The following PIP4P2 variants were observed in gnomAD, a reference collection of about 807,000 sequenced individuals.
The protein encoded by PIP4P2 is phosphatidylinositol-4,5-bisphosphate 4-phosphatase 2.
PIP4P2 carries 19 observed loss-of-function variants against 33.3 expected under a neutral mutation model. The observed-to-expected ratio is 0.57, with a 90% CI of 0.40 to 0.84. PIP4P2 has a LOEUF of 0.84. Among genes scored for constraint, PIP4P2 ranks in the 40% least tolerant of loss-of-function variants. The pLI is 0.00. For synonymous variants in PIP4P2, 110 were observed against 111.9 expected, an observed-to-expected ratio of 0.98 and a Z score of 0.11; for missense variants, 270 against 324.7, an observed-to-expected ratio of 0.83 and a Z score of 1.29.
chr8:91,019,249 T>G (rs2130368096), intron 3 of PIP4P2, among the ~76,000 whole-genome samples: 1 of 151,022 alleles, frequency 6.6e-6, no homozygotes, highest in African/African-American at 2.4e-5. Flanking sequence ...AGATTAATTA[T>G]ATCAAAAGTA....
intron 5 of PIP4P2, among the ~76,000 whole-genome samples, chr8:91,004,299 G>T (rs1811740381): frequency 6.6e-6 from 1 of 151,994 alleles, no homozygotes; most frequent in African/African-American, 2.4e-5. Flanking sequence ...CCAGAAGAGT[G>T]AAAATTGCCT....
At chr8:91,032,725 G>A (rs1262750920) in intron 1 of PIP4P2, among the ~76,000 whole-genome samples, 5 of 149,326 alleles carry the variant, frequency 3.3e-5, no homozygotes, top group Admixed American at 2.7e-4. Flanking sequence ...GGGTTGCAGT[G>A]AGCCGAGATC....
chr8:91,014,034 C>A (rs958089328), intron 4 of PIP4P2, among the ~76,000 whole-genome samples: 2 of 151,982 alleles, frequency 1.3e-5, no homozygotes, highest in African/African-American at 4.8e-5. Flanking sequence ...TTTTCCAAAC[C>A]TGACTAAAAT....
rs143898603 is a variant in PIP4P2, at chr8:91,001,798, A to G, written c.540-5054T>C. 9.0e-3 allele frequency among the ~76,000 whole-genome samples: 1,369 copies of G among 152,034 alleles called. 6 individuals are homozygous for G. Among genetic ancestry groups the G allele is most frequent in the Non-Finnish European group, 0.015 (1,035 of 67,938 alleles). ...GACTAGTAACTTTTGTTGAAAACTTATTTTGGCAGATCTCAATATAAAAAA... is the reference window on the plus strand; with the variant it reads ...GACTAGTAACTTTTGTTGAAAACTTGTTTTGGCAGATCTCAATATAAAAAA... On this transcript the variant is annotated intron_variant, in intron 5 of 6. Coordinates refer to ENST00000285419, the MANE Select transcript of PIP4P2 (RefSeq NM_018710.3).
intron 1 of PIP4P2, 83 bp downstream of exon 1, chr8:91,040,561 A>G: frequency 2.0e-6 from 3 of 1,499,666 alleles, no homozygotes; most frequent in Admixed American, 3.5e-5. Context: ...CCTCCAAGCT[A>G]GAGCTCCCAG....
At chr8:91,025,051 G>A (rs1263230127) in intron 1 of PIP4P2, among the ~76,000 whole-genome samples, 2 of 151,974 alleles carry the variant, frequency 1.3e-5, no homozygotes, top group East Asian at 3.8e-4. Flanking sequence ...AATAAATAAT[G>A]ACTTAATACA....
At chr8:91,011,483 T>C (rs1052749280) in intron 4 of PIP4P2, among the ~76,000 whole-genome samples, 1 of 152,046 alleles carries the variant, frequency 6.6e-6, no homozygotes, top group African/African-American at 2.4e-5. Context: ...GGCTAGATGA[T>C]CTCAAAATGG....
At chr8:91,012,877 T>C (rs975824719) in intron 4 of PIP4P2, among the ~76,000 whole-genome samples, 4 of 152,164 alleles carry the variant, frequency 2.6e-5, no homozygotes, top group Non-Finnish European at 4.4e-5. Flanking sequence ...CACATACATA[T>C]CTACCTAAAC....
chr8:91,021,574 G>A (rs889286740), intron 1 of PIP4P2, among the ~76,000 whole-genome samples, 170 bp from the exon 2 acceptor site: 1 of 152,122 alleles, frequency 6.6e-6, no homozygotes, highest in Non-Finnish European at 1.5e-5. Flanking sequence ...ACATCCATGA[G>A]ACTCTTATCA....
rs1245007994 is a variant in PIP4P2 at position 91,014,671 on chromosome 8, G to A, written c.486+3719C>T. ...GCTGAATAATTTCTGAAGATCTAAT[G>A]TACAGTATAGTGACTATAGTTACCA... On this transcript the variant is annotated intron_variant, in intron 4 of 6. Coordinates refer to ENST00000285419, the MANE Select transcript of PIP4P2 (RefSeq NM_018710.3). 3.3e-5 allele frequency among the ~76,000 whole-genome samples: 5 copies of A among 150,800 alleles called. No homozygotes were observed. The East Asian group carries it at 9.8e-4, about 30-fold the overall frequency.
chr8:91,029,370 A>G (rs1812128037), intron 1 of PIP4P2, among the ~76,000 whole-genome samples: 1 of 152,126 alleles, frequency 6.6e-6, no homozygotes, highest in Non-Finnish European at 1.5e-5. Flanking sequence ...TGTAGCAAGC[A>G]GGGGTTACAG....
chr8:90,998,659 G>A (rs2130347831), intron 5 of PIP4P2, among the ~76,000 whole-genome samples: 1 of 152,028 alleles, frequency 6.6e-6, no homozygotes, highest in South Asian at 2.1e-4. Flanking sequence ...AACAAGCAAT[G>A]GGGAAAGGAT....
At chr8:91,014,338 C>T (rs953601363) in intron 4 of PIP4P2, among the ~76,000 whole-genome samples, 3 of 152,110 alleles carry the variant, frequency 2.0e-5, no homozygotes, top group African/African-American at 7.2e-5. Context: ...GATATGGAAA[C>T]AACCCAAATC....
At position 90,995,111 on chromosome 8, in the gene PIP4P2, A is replaced by C. The variant is rs1422340402; in HGVS notation, c.*566T>G. ...TACAAACAACAAAAAACAAGCAAAC[A>C]GTATCTAGAAATTTTTTTTCCTCTG... On this transcript the variant is annotated 3_prime_UTR_variant, in exon 7 of 7. Transcript: ENST00000285419. The C allele has an allele frequency of 6.6e-6, 1 of 152,532 alleles. No homozygotes were observed. The highest frequency in any genetic ancestry group is 1.5e-5 in the Non-Finnish European group (1 of 67,968). 9.4% of individuals were successfully genotyped at this position (152,532 alleles called of 1,614,324 possible).
intron 3 of PIP4P2, among the ~76,000 whole-genome samples, chr8:91,019,198 A>T (rs1029877460): frequency 1.3e-5 from 2 of 152,016 alleles, no homozygotes; most frequent in Admixed American, 6.6e-5. Flanking sequence ...AGTATAATAT[A>T]CAGTGAGATA....
Position 91,018,412 on chromosome 8 carries a change from C to A in PIP4P2, c.464G>T (p.Gly155Val), listed in dbSNP as rs1185572119. ...IQPEGTRVVC[G>V]HCGNTFLWME... ...TACCAGGAATGTGTTTCCACAGTGC[C>A]CACACACGACCCTTGTACCTTCTGG... Residue 155 changes from glycine to valine, a missense_variant, in exon 4 of 7, where the codon GGG becomes GTG. Gly to Val is a moderately radical substitution (Grantham distance 109). Transcript: ENST00000285419. The A allele has an allele frequency of 6.2e-7, 1 of 1,613,946 alleles. No homozygotes were observed. Among genetic ancestry groups the A allele is most frequent in the Non-Finnish European group, 8.5e-7 (1 of 1,179,918 alleles).
chr8:91,040,406 C>CCACCACCACCACCACCACCAT, intron 1 of PIP4P2, among the ~76,000 whole-genome samples: 1 of 117,168 alleles, frequency 8.5e-6, no homozygotes, highest in Non-Finnish European at 2.1e-5. Flanking sequence ...ACCACCACCA[C>CCACCACCACCACCACCACCAT]CACCACCACC....
At position 90,994,814 on chromosome 8, in the gene PIP4P2, A is replaced by G. The variant is rs1811606544; in HGVS notation, c.*863T>C. 3.9e-5 allele frequency: 6 copies of G among 152,244 alleles called. No homozygotes were observed. In the South Asian group the frequency reaches 8.3e-4, roughly 21 times the overall value. 9.4% of individuals were successfully genotyped at this position (152,244 alleles called of 1,614,324 possible). On this transcript the variant is annotated 3_prime_UTR_variant, in exon 7 of 7. Transcript: ENST00000285419. The stretch of plus-strand genomic sequence containing the variant: ...ATCTAAGGGAAAGGGGCACAACCCA[A>G]TGTAAATATATCTTTGGATAAATGG...
chr8:91,032,754 C>A (rs1275960022), intron 1 of PIP4P2, among the ~76,000 whole-genome samples: 1 of 144,834 alleles, frequency 6.9e-6, no homozygotes, highest in African/African-American at 2.6e-5. Flanking sequence ...GCACTCCAGC[C>A]TGGGCAACAG....
Sources: gnomAD v4.1 joint callset for allele counts (sites outside exome capture counted in the v4.1 genomes callset) on GRCh38, gnomAD v4.1.1 for gene constraint, MANE v1.5 for transcripts, NCBI Gene and HGNC (gene_info 2026-07-23, HGNC 2026-07-21) for gene names.